CAPN13: variants seen among roughly 807,000 people sequenced by gnomAD.
The protein encoded by CAPN13 is calpain 13.
A neutral mutation model predicts 98.4 loss-of-function variants in CAPN13; 90 were observed. The observed-to-expected ratio is 0.92, with a 90% CI of 0.77 to 1.09. The LOEUF (loss-of-function observed/expected upper bound fraction) is 1.09, where lower values mean the gene tolerates loss of function less well. Ranked by LOEUF, CAPN13 falls within the 50% of genes least tolerant of loss-of-function variation. The pLI is 0.00. For missense variants in CAPN13, 887 were observed against 841.3 expected (o/e 1.05, Z -0.67); for synonymous variants, 330 against 305.5 (o/e 1.08, Z -0.84).
At chr2:30,729,288 G>A (rs903303365) in intron 22 of CAPN13, among the ~76,000 whole-genome samples, 2 of 152,228 alleles carry the variant, frequency 1.3e-5, no homozygotes, top group Admixed American at 6.5e-5. Flanking sequence ...AAGCGCTCCT[G>A]TGGCTGATGA....
intron 11 of CAPN13, among the ~76,000 whole-genome samples, chr2:30,747,914 G>C (rs1158402636): frequency 6.6e-6 from 1 of 152,254 alleles, no homozygotes; most frequent in Admixed American, 6.5e-5. Context: ...GCAAATTGGT[G>C]AATGGTGAGA....
intron 5 of CAPN13, among the ~76,000 whole-genome samples, chr2:30,764,881 T>C (rs1673036541): frequency 6.6e-6 from 1 of 152,162 alleles, no homozygotes. Flanking sequence ...CCACTGTTCT[T>C]ACTCTGCAAA....
intron 7 of CAPN13, among the ~76,000 whole-genome samples, chr2:30,760,700 G>C (rs1176658384): frequency 5.3e-5 from 8 of 152,232 alleles, no homozygotes; most frequent in Admixed American, 5.2e-4. Context: ...TCTGGAGGAG[G>C]AATCTTTAAC....
intron 1 of CAPN13, among the ~76,000 whole-genome samples, chr2:30,793,930 T>C (rs1466723550): frequency 2.0e-5 from 3 of 151,386 alleles, no homozygotes; most frequent in African/African-American, 7.3e-5. Flanking sequence ...AAAAACCAAG[T>C]CAAAATGATC....
At position 30,787,110 on chromosome 2, in the gene CAPN13, C is replaced by T. The variant is rs749308788; in HGVS notation, c.198+18G>A. On this transcript the variant is annotated intron_variant, in intron 2 of 22. Transcript: ENST00000295055. ...CGAGGACCCTGGAGCTGGGTATGCTCGTGTGGGGCTCACTCACCTGTGGCC... is the reference window on the plus strand; with the variant it reads ...CGAGGACCCTGGAGCTGGGTATGCTTGTGTGGGGCTCACTCACCTGTGGCC... 1 of 1,541,096 alleles carries T rather than the reference C, an allele frequency of 6.5e-7. No homozygotes were observed. Among genetic ancestry groups the T allele is most frequent in the Non-Finnish European group, 8.8e-7 (1 of 1,142,596 alleles).
intron 1 of CAPN13, among the ~76,000 whole-genome samples, chr2:30,803,804 G>A (rs527421553): frequency 5.5e-4 from 83 of 152,274 alleles, no homozygotes; most frequent in Middle Eastern, 3.4e-3. Flanking sequence ...GATAGATGAG[G>A]TGACCTTTAG....
intron 3 of CAPN13, among the ~76,000 whole-genome samples, chr2:30,777,288 C>G (rs956584243): frequency 1.3e-5 from 2 of 152,230 alleles, no homozygotes; most frequent in Non-Finnish European, 2.9e-5. Context: ...TATTTTACCT[C>G]TTGCACTCTC....
chr2:30,763,083 T>C lies in CAPN13; in HGVS notation c.773A>G (p.Gln258Arg). 1.2e-6 allele frequency: 2 copies of C among 1,607,256 alleles called. No homozygotes were observed. The highest frequency in any genetic ancestry group is 1.7e-6 in the Non-Finnish European group (2 of 1,176,734). The part of the protein sequence containing the change: ...LHAYTVTGAE[Q>R]IQYRRGWEEI... ...GGACAGGCCAGCAGCCAGCCTTACC[T>C]GCTCAGCCCCAGTCACAGTGTAGGC... is the stretch of plus-strand genomic sequence containing the variant. Residue 258 changes from glutamine (Q) to arginine (R), a missense_variant and splice_region_variant, in exon 7 of 23, where the codon CAG becomes CGG. By Grantham distance (43) the Gln-to-Arg change is conservative. Coordinates refer to ENST00000295055, the MANE Select transcript of CAPN13 (RefSeq NM_144575.3).
chr2:30,795,492 T>A (rs1473157250), intron 1 of CAPN13, among the ~76,000 whole-genome samples: 1 of 152,086 alleles, frequency 6.6e-6, no homozygotes, highest in Non-Finnish European at 1.5e-5. Flanking sequence ...TCTTAATTTG[T>A]TTCCCTGATT....
At position 30,734,490 on chromosome 2, in the gene CAPN13, A is replaced by G; in HGVS notation, c.1757T>C (p.Val586Ala). ...VFQKVQTSPG[V>A]LLSSDLWKAI... ...CTTCCACAAGTCCGAGCTCAGGAGGACTCCAGGGCTTGTCTGAACCTTCTG... is the reference window on the plus strand; with the variant it reads ...CTTCCACAAGTCCGAGCTCAGGAGGGCTCCAGGGCTTGTCTGAACCTTCTG... The change falls in exon 19 of 23, where the codon GTC (valine) becomes GCC (alanine). Residue 586 changes from valine to alanine, a missense_variant. Coordinates refer to ENST00000295055, the MANE Select transcript of CAPN13 (RefSeq NM_144575.3). 3 of 1,613,496 alleles carry G rather than the reference A, an allele frequency of 1.9e-6. No homozygotes were observed. The highest frequency in any genetic ancestry group is 1.1e-5 in the South Asian group (1 of 91,054).
intron 4 of CAPN13, among the ~76,000 whole-genome samples, chr2:30,773,158 C>T (rs1314603909): frequency 6.6e-6 from 1 of 152,186 alleles, no homozygotes; most frequent in African/African-American, 2.4e-5. Flanking sequence ...GGAAAGAACA[C>T]ATTGCATACA....
At chr2:30,802,407 T>G (rs1204496433) in intron 1 of CAPN13, among the ~76,000 whole-genome samples, 1 of 152,006 alleles carries the variant, frequency 6.6e-6, no homozygotes, top group Non-Finnish European at 1.5e-5. Flanking sequence ...GCTTTCTATA[T>G]TAAATATGTC....
intron 13 of CAPN13, 35 bp downstream of exon 13, chr2:30,743,348 G>A (rs541221394): frequency 1.2e-4 from 188 of 1,559,514 alleles, no homozygotes; most frequent in Middle Eastern, 1.0e-3. Context: ...AAGTTAAGTA[G>A]AATAAAACAT....
chr2:30,800,163 A>AGAAAGAAAGAAAGAAAGAAAGAAG (rs1675173884), intron 1 of CAPN13, among the ~76,000 whole-genome samples: 2 of 151,700 alleles, frequency 1.3e-5, no homozygotes, highest in African/African-American at 4.8e-5. Context: ...AAAGAAAGAA[A>AGAAAGAAAGAAAGAAAGAAAGAAG]GAAAGAAAGA....
rs749039729 is a variant in CAPN13 at position 30,736,499 on chromosome 2, G to A, written c.1722+4C>T. The A allele has an allele frequency of 3.7e-5, 60 of 1,613,656 alleles. No homozygotes were observed. Among genetic ancestry groups the A allele is most frequent in the Non-Finnish European group, 4.3e-5 (51 of 1,179,698 alleles). On this transcript the variant is annotated splice_donor_region_variant and intron_variant, in intron 18 of 22. Transcript: ENST00000295055. The stretch of plus-strand genomic sequence containing the variant: ...AGTGCTAGTCACAGAGAATGTGCCC[G>A]TACCTGGTAGTGAACAAGGCGCTTC...
At chr2:30,755,950 C>G (rs903041431) in intron 8 of CAPN13, among the ~76,000 whole-genome samples, 2 of 152,090 alleles carry the variant, frequency 1.3e-5, no homozygotes, top group Non-Finnish European at 2.9e-5. Flanking sequence ...CCATCCATCT[C>G]CATTCCTAAA....
intron 1 of CAPN13, among the ~76,000 whole-genome samples, chr2:30,789,277 T>C (rs1441413000): frequency 1.3e-5 from 2 of 152,242 alleles, no homozygotes; most frequent in Non-Finnish European, 2.9e-5. Flanking sequence ...CTACCAATTC[T>C]CTGTGCATGC....
chr2:30,776,966 C>T (rs1365454396), intron 3 of CAPN13, among the ~76,000 whole-genome samples: 3 of 152,208 alleles, frequency 2.0e-5, no homozygotes, highest in Admixed American at 1.3e-4. Flanking sequence ...GACCTATCAT[C>T]GGCAAGCTGA....
chr2:30,801,100 C>T (rs180686585), intron 1 of CAPN13, among the ~76,000 whole-genome samples: 20 of 152,242 alleles, frequency 1.3e-4, no homozygotes, highest in African/African-American at 4.1e-4. Context: ...TCTTGAGAGC[C>T]GCTGTTTCAG....
Sources: allele counts gnomAD v4.1 joint callset (sites outside exome capture counted in the v4.1 genomes callset), GRCh38; gene constraint gnomAD v4.1.1; transcripts MANE v1.5; gene names NCBI Gene and HGNC (gene_info 2026-07-23, HGNC 2026-07-21).